The following NAV3 variants were observed in gnomAD, a reference collection of about 807,000 sequenced individuals.
NAV3 encodes pore membrane and/or filament interacting like protein 1.
NAV3 carries 87 observed loss-of-function variants against 244.7 expected under a neutral mutation model. The ratio of observed to expected loss-of-function variants is 0.36; its 90% confidence interval spans 0.30 to 0.42. The LOEUF (loss-of-function observed/expected upper bound fraction) is 0.42, where lower values mean the gene tolerates loss of function less well. Among genes scored for constraint, NAV3 ranks in the 20% least tolerant of loss-of-function variants. The pLI, the probability that NAV3 is intolerant of heterozygous loss-of-function variation, is 1.00. For missense variants in NAV3, 2,663 were observed against 2,893.3 expected, an observed-to-expected ratio of 0.92 and a Z score of 1.83; for synonymous variants, 1,126 against 1,042.2, an observed-to-expected ratio of 1.08 and a Z score of -1.55.
At chr12:78,041,671 C>T (rs1880884714) in intron 9 of NAV3, among the ~76,000 whole-genome samples, 1 of 152,152 alleles carries the variant, frequency 6.6e-6, no homozygotes, top group Admixed American at 6.6e-5. Context: ...GGCCTTGTCC[C>T]ATGTGAGACA....
In NAV3 at chr12:77,891,636, G is replaced by A. The variant is rs372033199; in HGVS notation, c.244-48683G>A. Reference sequence around the variant, plus strand: ...TAAAGTGACTTTAAAAAATGTACTCGGTCATAGAAATCACAGACAGGGCTA... The same window carrying A: ...TAAAGTGACTTTAAAAAATGTACTCAGTCATAGAAATCACAGACAGGGCTA... On this transcript the variant is annotated intron_variant, in intron 1 of 39. Coordinates refer to ENST00000397909, the MANE Select transcript of NAV3 (RefSeq NM_001024383.2). Among the ~76,000 whole-genome samples, 12 of 152,134 alleles carry A rather than the reference G, an allele frequency of 7.9e-5. No homozygotes were observed. In the South Asian group the frequency reaches 1.2e-3, roughly 16 times the overall value.
At chr12:77,854,285 A>T (rs1050106192) in intron 1 of NAV3, among the ~76,000 whole-genome samples, 3 of 152,186 alleles carry the variant, frequency 2.0e-5, no homozygotes, top group Admixed American at 2.0e-4. Flanking sequence ...CTGTTGATTC[A>T]GCTTAGAGCA....
intron 12 of NAV3, 106 bp downstream of exon 12, chr12:78,059,221 A>G: frequency 1.1e-6 from 1 of 940,686 alleles, no homozygotes; most frequent in Non-Finnish European, 1.5e-6. Flanking sequence ...AGGACTTTTT[A>G]TTTTGATAAA....
intron 2 of NAV3, among the ~76,000 whole-genome samples, chr12:77,813,829 G>A (rs1024168856): frequency 2.0e-5 from 3 of 152,068 alleles, no homozygotes; most frequent in African/African-American, 7.3e-5. Context: ...GTGAAGAGTG[G>A]CACACTCTAA....
chr12:78,043,091 C>T (rs1292459759), intron 9 of NAV3, among the ~76,000 whole-genome samples: 1 of 152,102 alleles, frequency 6.6e-6, no homozygotes, highest in Non-Finnish European at 1.5e-5. Context: ...TTGATCCCCC[C>T]ACCCACCAAC....
chr12:77,735,302 T>TG, intron 2 of NAV3, among the ~76,000 whole-genome samples: 1 of 152,130 alleles, frequency 6.6e-6, no homozygotes, highest in Non-Finnish European at 1.5e-5. Context: ...TGCCTCTGAG[T>TG]ATAAACATTT....
At chr12:78,049,711 A>G (rs929104868) in intron 9 of NAV3, among the ~76,000 whole-genome samples, 2 of 152,158 alleles carry the variant, frequency 1.3e-5, no homozygotes, top group African/African-American at 4.8e-5. Flanking sequence ...AACATGGATT[A>G]GTAAACAGCA....
intron 2 of NAV3, among the ~76,000 whole-genome samples, chr12:77,719,613 T>C (rs1876519509): frequency 6.6e-6 from 1 of 152,146 alleles, no homozygotes; most frequent in Non-Finnish European, 1.5e-5. Context: ...GTTACATATG[T>C]TCAACCCACC....
chr12:77,739,320 A>G (rs1381165065), intron 2 of NAV3, among the ~76,000 whole-genome samples: 1 of 152,226 alleles, frequency 6.6e-6, no homozygotes, highest in Non-Finnish European at 1.5e-5. Flanking sequence ...AATGCTTTAA[A>G]AAAGATAGTA....
chr12:77,680,969 C>T (rs943577766), intron 2 of NAV3, among the ~76,000 whole-genome samples: 1 of 151,954 alleles, frequency 6.6e-6, no homozygotes, highest in African/African-American at 2.4e-5. Context: ...TGATGAGATC[C>T]GATTTTGGGG....
At chr12:77,806,000 A>G (rs1871959360) in intron 2 of NAV3, among the ~76,000 whole-genome samples, 1 of 152,006 alleles carries the variant, frequency 6.6e-6, no homozygotes, top group African/African-American at 2.4e-5. Flanking sequence ...TTTCTGTGGG[A>G]TCAGTTGTGG....
intron 2 of NAV3, among the ~76,000 whole-genome samples, chr12:77,609,221 C>G (rs1406250843): frequency 6.6e-6 from 1 of 152,006 alleles, no homozygotes; most frequent in African/African-American, 2.4e-5. Context: ...CCAAAAAACT[C>G]TTAAATGCTT....
intron 2 of NAV3, among the ~76,000 whole-genome samples, chr12:77,618,176 C>T (rs1323929524): frequency 1.3e-5 from 2 of 152,150 alleles, no homozygotes; most frequent in Admixed American, 6.5e-5. Flanking sequence ...ATGACTGTAA[C>T]CTCAGCTGAC....
intron 12 of NAV3, among the ~76,000 whole-genome samples, chr12:78,067,337 A>G (rs796826230): frequency 1.3e-5 from 2 of 152,244 alleles, no homozygotes; most frequent in South Asian, 4.1e-4. Flanking sequence ...TCATTTTATA[A>G]TCAGATGGCC....
At chr12:77,585,403 A>G (rs1420768518) in intron 2 of NAV3, among the ~76,000 whole-genome samples, 1 of 152,230 alleles carries the variant, frequency 6.6e-6, no homozygotes, top group Non-Finnish European at 1.5e-5. Context: ...GCAGCCTTCT[A>G]GGAAAATTTC....
intron 2 of NAV3, among the ~76,000 whole-genome samples, chr12:77,819,309 T>C (rs1872640359): frequency 6.6e-6 from 1 of 151,876 alleles, no homozygotes; most frequent in African/African-American, 2.4e-5. Flanking sequence ...ATAACTATAA[T>C]ATAAGTATGC....
At chr12:78,200,335 A>T in intron 37 of NAV3, 138 bp from the exon 38 acceptor site, 1 of 477,028 alleles carries the variant, frequency 2.1e-6, no homozygotes, top group Non-Finnish European at 3.6e-6. Flanking sequence ...ACATGCTTTA[A>T]TAATAATCAA....
Position 77,745,408 on chromosome 12 carries a change from GCCTAGGGGAAGACT to G in NAV3, c.72+173143_72+173156del, listed in dbSNP as rs1189539367. Among the ~76,000 whole-genome samples the G allele has an allele frequency of 2.0e-5, 3 of 152,130 alleles. No individual in the cohort carries two copies. The East Asian group carries it at 5.8e-4, about 29-fold the overall frequency. On this transcript the variant is annotated intron_variant, in intron 2 of 8. Coordinates refer to the NAV3 transcript ENST00000550042. Reference sequence around the variant, plus strand: ...CAAAGACCAATTGATAGGACAGATTGCCTAGGGGAAGACTGGGGGTAAGCAATGAACACAGATAA... The same window carrying G: ...CAAAGACCAATTGATAGGACAGATTGGGGGGTAAGCAATGAACACAGATAA...
intron 12 of NAV3, among the ~76,000 whole-genome samples, chr12:78,083,930 T>A (rs1482348068): frequency 6.6e-6 from 1 of 152,204 alleles, no homozygotes; most frequent in Non-Finnish European, 1.5e-5. Context: ...ATATTTTTTC[T>A]ACTCCACTGC....
Sources: gnomAD v4.1 joint callset for allele counts (sites outside exome capture counted in the v4.1 genomes callset) on GRCh38, gnomAD v4.1.1 for gene constraint, MANE v1.5 for transcripts, NCBI Gene and HGNC (gene_info 2026-07-23, HGNC 2026-07-21) for gene names.